IFT43: variants seen among roughly 807,000 people sequenced by gnomAD.
The protein encoded by IFT43 is intraflagellar transport protein 43 homolog.
A neutral mutation model predicts 32.3 loss-of-function variants in IFT43; 33 were observed. The observed-to-expected ratio is 1.02, with a 90% CI of 0.77 to 1.37. The LOEUF is 1.37. IFT43 is among the 40% of genes most tolerant of loss of function. The pLI is 0.00. For missense variants in IFT43, 274 were observed against 265.9 expected (o/e 1.03, Z -0.21); for synonymous variants, 93 against 98.2 (o/e 0.95, Z 0.31).
chr14:76,033,204 T>C (rs1468209086), intron 3 of IFT43, among the ~76,000 whole-genome samples: 1 of 152,038 alleles, frequency 6.6e-6, no homozygotes, highest in African/African-American at 2.4e-5. Flanking sequence ...CATGAGGAAG[T>C]GGCCAGTAAT....
In IFT43 at chr14:76,076,681, G is replaced by A. The variant is rs200506004; in HGVS notation, c.296-5614G>A. On this transcript the variant is annotated intron_variant, in intron 5 of 8. Transcript: ENST00000314067. ...ACAGAGATTTGGGGCTGGCTTCATT[G>A]GAAGAGGCAGGTAGGCTTTTGACTG... 34 of 1,614,050 alleles carry A rather than the reference G, an allele frequency of 2.1e-5. No homozygotes were observed. Among genetic ancestry groups the A allele is most frequent in the Admixed American group, 5.0e-5 (3 of 60,002 alleles).
intron 1 of IFT43, chr14:75,986,442 G>A: frequency 6.2e-6 from 1 of 160,632 alleles, no homozygotes; most frequent in East Asian, 2.3e-4. Context: ...CTGTTGCCTG[G>A]GTTCAAAAAA....
chr14:76,028,635 A>G (rs972201159), intron 3 of IFT43, among the ~76,000 whole-genome samples: 1 of 152,018 alleles, frequency 6.6e-6, no homozygotes, highest in African/African-American at 2.4e-5. Flanking sequence ...TGGAGTCCCC[A>G]TTGTCTGTTG....
chr14:76,012,243 GT>G (rs1304258433), intron 2 of IFT43, among the ~76,000 whole-genome samples: 2 of 152,202 alleles, frequency 1.3e-5, no homozygotes, highest in Non-Finnish European at 1.5e-5. Context: ...TGTGTGAGAA[GT>G]TTCTAAACTC....
intron 2 of IFT43, among the ~76,000 whole-genome samples, chr14:75,999,261 ATATATATATATGTATATATATTTTTT>A (rs1408535408): frequency 4.3e-5 from 1 of 23,368 alleles, no homozygotes; most frequent in African/African-American, 2.7e-4. Flanking sequence ...ATATATATAT[ATATATATATATGTATATATATTTTTT>A]TTTTTTTTTT....
intron 3 of IFT43, among the ~76,000 whole-genome samples, chr14:76,057,506 C>T (rs1391647482): frequency 1.3e-5 from 2 of 151,366 alleles, no homozygotes; most frequent in Admixed American, 1.3e-4. Flanking sequence ...ATTAGAATTA[C>T]AGGCGTGAGC....
chr14:75,999,256 TA>T (rs1566699419), intron 2 of IFT43, among the ~76,000 whole-genome samples: 293 of 12,118 alleles, frequency 0.024, 18 homozygotes, highest in African/African-American at 0.087. Context: ...TATATATATA[TA>T]TATATATATA....
intron 3 of IFT43, among the ~76,000 whole-genome samples, chr14:76,026,100 A>G (rs539824291): frequency 9.7e-4 from 147 of 151,884 alleles, no homozygotes; most frequent in African/African-American, 3.5e-3. Context: ...AATTTACAAG[A>G]AAAAAAAATC....
chr14:76,029,080 C>A (rs2036458869), intron 3 of IFT43, among the ~76,000 whole-genome samples: 1 of 152,220 alleles, frequency 6.6e-6, no homozygotes, highest in Non-Finnish European at 1.5e-5. Context: ...TTTACATTCC[C>A]ACCAACAGTG....
At chr14:76,014,643 G>A (rs2036148696) in intron 2 of IFT43, among the ~76,000 whole-genome samples, 1 of 151,846 alleles carries the variant, frequency 6.6e-6, no homozygotes, top group Admixed American at 6.5e-5. Flanking sequence ...GCCCCACTTT[G>A]CCCATAAACT....
At chr14:75,986,371 C>A in intron 1 of IFT43, 1 of 994,600 alleles carries the variant, frequency 1.0e-6, no homozygotes, top group South Asian at 1.8e-5. Flanking sequence ...AAACCAAGAC[C>A]GATTTGTAAC....
intron 3 of IFT43, among the ~76,000 whole-genome samples, chr14:76,047,696 C>T (rs937731657): frequency 4.6e-5 from 7 of 151,560 alleles, no homozygotes; most frequent in Non-Finnish European, 8.8e-5. Flanking sequence ...TGCCTGCCTG[C>T]CCGCCTGCCT....
intron 2 of IFT43, among the ~76,000 whole-genome samples, chr14:75,998,382 G>A (rs1044842340): frequency 6.6e-6 from 1 of 152,178 alleles, no homozygotes; most frequent in Non-Finnish European, 1.5e-5. Context: ...GAAGTTCTTA[G>A]CATTGAGGTG....
chr14:75,991,419 G>GTGTGTGTA (rs1282681610), intron 2 of IFT43, among the ~76,000 whole-genome samples: 3 of 148,524 alleles, frequency 2.0e-5, no homozygotes, highest in African/African-American at 7.4e-5. Flanking sequence ...GTGTGTGTGT[G>GTGTGTGTA]TGTGTGTATG....
rs1236763592 is a variant in IFT43 at position 76,066,526 on chromosome 14, A to G, written c.295+7153A>G. Among the ~76,000 whole-genome samples the G allele has an allele frequency of 2.6e-5, 4 of 152,256 alleles. No individual in the cohort carries two copies. The East Asian group carries it at 7.7e-4, about 29-fold the overall frequency. The stretch of plus-strand genomic sequence containing the variant: ...ATGTTACATATAACTAGTTTCTAGA[A>G]TTATCTTTGCTCAGAGAATTACTTG... On this transcript the variant is annotated intron_variant, in intron 5 of 8. Coordinates refer to ENST00000314067, the MANE Select transcript of IFT43 (RefSeq NM_001102564.3).
chr14:75,987,506 G>T (rs564512707), intron 1 of IFT43, among the ~76,000 whole-genome samples: 4 of 152,274 alleles, frequency 2.6e-5, no homozygotes, highest in African/African-American at 9.6e-5. Flanking sequence ...AAATCAGAAG[G>T]CTTTGCTCCT....
intron 3 of IFT43, among the ~76,000 whole-genome samples, chr14:76,047,892 A>G (rs2140024685): frequency 6.6e-6 from 1 of 152,264 alleles, no homozygotes; most frequent in East Asian, 1.9e-4. Context: ...GGTGGGGGCC[A>G]GAATCAAGGG....
intron 3 of IFT43, among the ~76,000 whole-genome samples, chr14:76,027,334 C>CCG (rs1266414800): frequency 5.4e-5 from 2 of 36,974 alleles, no homozygotes; most frequent in African/African-American, 8.8e-5. Context: ...TTCCCCAACA[C>CCG]CCCCCACACA....
chr14:76,017,171 G>A (rs889412830), intron 2 of IFT43, among the ~76,000 whole-genome samples: 10 of 152,146 alleles, frequency 6.6e-5, no homozygotes, highest in African/African-American at 2.4e-4. Context: ...TACGATGTTA[G>A]CTGTGGGTTT....
Sources: gnomAD v4.1 joint callset for allele counts (sites outside exome capture counted in the v4.1 genomes callset) on GRCh38, gnomAD v4.1.1 for gene constraint, MANE v1.5 for transcripts, NCBI Gene and HGNC (gene_info 2026-07-23, HGNC 2026-07-21) for gene names.